Variants in FBXL7 observed in about 807,000 individuals in gnomAD.
The protein encoded by FBXL7 is F-box and leucine rich repeat protein 7.
FBXL7 carries 12 observed loss-of-function variants against 38.3 expected under a neutral mutation model. That is an observed-to-expected ratio of 0.31 (90% CI 0.20 to 0.51). The LOEUF is 0.51. Ranked by LOEUF, FBXL7 falls within the 20% of genes least tolerant of loss-of-function variation. FBXL7 has a pLI of 0.98. For synonymous variants in FBXL7, 297 were observed against 300.9 expected (o/e 0.99, Z 0.13); for missense variants, 567 against 676.4 (o/e 0.84, Z 1.79).
intron 2 of FBXL7, among the ~76,000 whole-genome samples, chr5:15,709,449 G>T (rs1245822124): frequency 6.6e-6 from 1 of 151,350 alleles, no homozygotes; most frequent in African/African-American, 2.4e-5. Flanking sequence ...CAGGAGAATT[G>T]CTCAAACCCG....
chr5:15,578,582 C>G (rs1310971477), intron 1 of FBXL7, among the ~76,000 whole-genome samples: 1 of 152,152 alleles, frequency 6.6e-6, no homozygotes, highest in East Asian at 1.9e-4. Flanking sequence ...TCTGCATCAT[C>G]CAGTGTGTTT....
intron 2 of FBXL7, among the ~76,000 whole-genome samples, chr5:15,703,100 T>C (rs1326946857): frequency 1.3e-5 from 2 of 152,216 alleles, no homozygotes; most frequent in Admixed American, 6.5e-5. Context: ...TGGATGTGTA[T>C]GTGCAGGTCA....
intron 2 of FBXL7, among the ~76,000 whole-genome samples, chr5:15,709,633 T>G (rs1414852613): frequency 1.3e-5 from 2 of 152,102 alleles, no homozygotes; most frequent in East Asian, 3.9e-4. Flanking sequence ...TACTCTTGTC[T>G]TAGACACCAT....
At chr5:15,593,660 T>G (rs956137902) in intron 1 of FBXL7, among the ~76,000 whole-genome samples, 2 of 152,148 alleles carry the variant, frequency 1.3e-5, no homozygotes, top group African/African-American at 2.4e-5. Flanking sequence ...GTTTAAGAGA[T>G]AGACATAAAA....
rs867910904 is a variant in FBXL7 at position 15,541,451 on chromosome 5, A to G, written c.37+40738A>G. On this transcript the variant is annotated intron_variant, in intron 1 of 3. Coordinates refer to ENST00000504595, the MANE Select transcript of FBXL7 (RefSeq NM_012304.5). ...TATATATGTGTGTGTGTGTATATAT[A>G]TATATATATATATATATATATATAT... Among the ~76,000 whole-genome samples the G allele has an allele frequency of 6.4e-3, 689 of 107,660 alleles. 12 individuals carry two copies. Among genetic ancestry groups the G allele is most frequent in the South Asian group, 0.025 (81 of 3,230 alleles). 70.6% of individuals were successfully genotyped at this position (107,660 alleles called of 152,430 possible).
intron 1 of FBXL7, among the ~76,000 whole-genome samples, chr5:15,503,140 G>T (rs1163545474): frequency 6.6e-6 from 1 of 152,196 alleles, no homozygotes; most frequent in Non-Finnish European, 1.5e-5. Context: ...AATAGCTGAG[G>T]TCGGGCGCGG....
intron 2 of FBXL7, among the ~76,000 whole-genome samples, chr5:15,829,432 T>G (rs1310440370): frequency 6.6e-6 from 1 of 152,246 alleles, no homozygotes; most frequent in Non-Finnish European, 1.5e-5. Flanking sequence ...TTTAAAACCA[T>G]GTTCTATATG....
intron 1 of FBXL7, among the ~76,000 whole-genome samples, chr5:15,575,593 A>C (rs1580380185): frequency 6.6e-6 from 1 of 152,318 alleles, no homozygotes; most frequent in Admixed American, 6.5e-5. Flanking sequence ...TGTGATAATA[A>C]GTGAGTGTTC....
chr5:15,651,300 G>A (rs1741701787), intron 2 of FBXL7, among the ~76,000 whole-genome samples: 1 of 151,962 alleles, frequency 6.6e-6, no homozygotes, highest in Admixed American at 6.6e-5. Context: ...GTTTCACCAT[G>A]TTAGCCAGGA....
At chr5:15,706,270 T>C (rs1426379206) in intron 2 of FBXL7, among the ~76,000 whole-genome samples, 1 of 152,166 alleles carries the variant, frequency 6.6e-6, no homozygotes, top group African/African-American at 2.4e-5. Flanking sequence ...TCAAAAGCTA[T>C]GGTTATTTAA....
intron 2 of FBXL7, among the ~76,000 whole-genome samples, chr5:15,815,574 G>GA (rs1196808222): frequency 3.3e-5 from 5 of 152,044 alleles, no homozygotes; most frequent in Admixed American, 3.3e-4. Context: ...GATTATTTCT[G>GA]GAACATTAAA....
chr5:15,834,852 C>T (rs1273735479), intron 2 of FBXL7, among the ~76,000 whole-genome samples: 1 of 152,188 alleles, frequency 6.6e-6, no homozygotes, highest in Non-Finnish European at 1.5e-5. Context: ...GCTCCTTTCT[C>T]AGTAAGATTT....
chr5:15,860,639 A>G (rs1365052865), intron 2 of FBXL7, among the ~76,000 whole-genome samples: 1 of 152,128 alleles, frequency 6.6e-6, no homozygotes, highest in Admixed American at 6.6e-5. Flanking sequence ...CATCCTCATC[A>G]GTGTATTAAT....
intron 2 of FBXL7, among the ~76,000 whole-genome samples, chr5:15,766,319 A>G (rs775181482): frequency 6.6e-6 from 1 of 152,210 alleles, no homozygotes; most frequent in African/African-American, 2.4e-5. Flanking sequence ...TGAATGTAGT[A>G]GTGCTTTGGT....
intron 2 of FBXL7, among the ~76,000 whole-genome samples, chr5:15,808,318 A>C (rs1737769491): frequency 6.6e-6 from 1 of 152,038 alleles, no homozygotes; most frequent in South Asian, 2.1e-4. Flanking sequence ...CTTCATATTT[A>C]AGTGGAGTAA....
At chr5:15,806,864 G>A (rs1737726249) in intron 2 of FBXL7, among the ~76,000 whole-genome samples, 1 of 152,224 alleles carries the variant, frequency 6.6e-6, no homozygotes, top group Non-Finnish European at 1.5e-5. Flanking sequence ...GACTCGCTGT[G>A]ACAGCTGCCC....
At chr5:15,913,766 A>G (rs953370515) in intron 2 of FBXL7, among the ~76,000 whole-genome samples, 5 of 152,196 alleles carry the variant, frequency 3.3e-5, no homozygotes, top group African/African-American at 7.2e-5. Flanking sequence ...ATGAAAATAC[A>G]TGTGTTTCTT....
Position 15,892,559 on chromosome 5 carries a change from T to C in FBXL7, c.128-35331T>C, listed in dbSNP as rs182445564. On this transcript the variant is annotated intron_variant, in intron 2 of 3. Coordinates refer to ENST00000504595, the MANE Select transcript of FBXL7 (RefSeq NM_012304.5). ...TATGAGCAGGGTTGATGAAATTGAT[T>C]CCACTGTGCTTTGGGTTCGCAGCTT... 2.3e-4 allele frequency among the ~76,000 whole-genome samples: 35 copies of C among 152,240 alleles called. 1 individual carries two copies. Among genetic ancestry groups the C allele is most frequent in the African/African-American group, 7.7e-4 (32 of 41,538 alleles).
rs35229749 is a variant in FBXL7, at chr5:15,714,848, C to CAAA, written c.127+98795_127+98797dup. Among the ~76,000 whole-genome samples the CAAA allele has an allele frequency of 1.2e-3, 93 of 75,996 alleles. 1 individual carries two copies. The highest frequency in any genetic ancestry group is 1.3e-3 in the Non-Finnish European group (54 of 41,334). The allele number at this position is 75,996 out of a possible 152,430, so 49.9% of individuals were successfully genotyped here. A position where few individuals can be genotyped will look rare whatever the true frequency, so the allele number is the denominator to read the frequency against. On this transcript the variant is annotated intron_variant, in intron 2 of 3. Transcript: ENST00000504595. ...TGGGCAACAGAGCGAGAGTCCGTCT[C>CAAA]AAAAAAAAAAAAAAAAAAAAAGAGG...
Sources: allele counts gnomAD v4.1 joint callset (sites outside exome capture counted in the v4.1 genomes callset), GRCh38; gene constraint gnomAD v4.1.1; transcripts MANE v1.5; gene names NCBI Gene and HGNC (gene_info 2026-07-23, HGNC 2026-07-21).